Variants in TRAPPC8 observed in about 807,000 individuals in gnomAD.
The protein encoded by TRAPPC8 is trafficking protein particle complex subunit 8, also known as general sporulation gene 1 homolog.
In TRAPPC8, 54 loss-of-function variants were observed where a neutral mutation model predicts 174.3. That is an observed-to-expected ratio of 0.31 (90% CI 0.25 to 0.39). The LOEUF is 0.39. Ranked by LOEUF, TRAPPC8 falls within the 10% of genes least tolerant of loss-of-function variation. The probability of loss-of-function intolerance (pLI) is 1.00; values close to 1 mark genes in which losing one functional copy is unlikely to be tolerated. For synonymous variants in TRAPPC8, 630 were observed against 579.9 expected, an observed-to-expected ratio of 1.09 and a Z score of -1.24; for missense variants, 1,531 against 1,699.1, an observed-to-expected ratio of 0.90 and a Z score of 1.74.
rs558144913 is a variant in TRAPPC8, at chr18:31,934,888, T to C, written c.158-3365A>G. Among the ~76,000 whole-genome samples the C allele has an allele frequency of 3.4e-5, 5 of 148,506 alleles. No homozygotes were observed. The East Asian group carries it at 1.0e-3, about 30-fold the overall frequency. Reference sequence around the variant, plus strand: ...CACTACTGCACTCCAGCCTGGGCAATGAGAGCTGAGATCACACTACTGCAC... The same window carrying C: ...CACTACTGCACTCCAGCCTGGGCAACGAGAGCTGAGATCACACTACTGCAC... On this transcript the variant is annotated intron_variant, in intron 1 of 28. Coordinates refer to ENST00000283351, the MANE Select transcript of TRAPPC8 (RefSeq NM_014939.5).
At chr18:31,876,599 A>G (rs1312736208) in intron 12 of TRAPPC8, among the ~76,000 whole-genome samples, 2 of 152,100 alleles carry the variant, frequency 1.3e-5, no homozygotes, top group Non-Finnish European at 2.9e-5. Flanking sequence ...GAAAACTGAG[A>G]AAAGACAGCC....
rs866121174 is a variant in TRAPPC8, at chr18:31,908,684, C to G, written c.1122+70G>C. On this transcript the variant is annotated intron_variant, in intron 7 of 28. Coordinates refer to ENST00000283351, the MANE Select transcript of TRAPPC8 (RefSeq NM_014939.5). Reference sequence around the variant, plus strand: ...CGAAAATAAAACAAAACTTCAAATACGTTTAATAATTCTTAAATTTACTAT... The same window carrying G: ...CGAAAATAAAACAAAACTTCAAATAGGTTTAATAATTCTTAAATTTACTAT... The G allele has an allele frequency of 2.2e-6, 3 of 1,390,096 alleles. No homozygotes were observed. The African/African-American group carries it at 4.4e-5, about 20-fold the overall frequency. The allele number at this position is 1,390,096 out of a possible 1,614,324, so 86.1% of individuals were successfully genotyped here.
In TRAPPC8 at chr18:31,858,712, T is replaced by C. The variant is rs150720073; in HGVS notation, c.2746-730A>G. ...ACACATGTGGCCTCAATATTTCAGA[T>C]GAGGGATTGTGGACTTGTGCTTAAA... On this transcript the variant is annotated intron_variant, in intron 19 of 28. Transcript: ENST00000283351. 6.2e-3 allele frequency among the ~76,000 whole-genome samples: 946 copies of C among 152,326 alleles called. 12 individuals are homozygous for C. Among genetic ancestry groups the C allele is most frequent in the African/African-American group, 0.022 (905 of 41,578 alleles).
chr18:31,938,082 G>A (rs1321385093), intron 1 of TRAPPC8, among the ~76,000 whole-genome samples: 1 of 152,068 alleles, frequency 6.6e-6, no homozygotes. Context: ...GTGTTTAAGT[G>A]AAATTTTCTT....
At chr18:31,917,438 A>C (rs1357719139) in intron 3 of TRAPPC8, 140 bp downstream of exon 3, 3 of 696,772 alleles carry the variant, frequency 4.3e-6, no homozygotes, top group African/African-American at 3.7e-5. Context: ...CAAAATAACA[A>C]GACTCCGTGT....
At chr18:31,865,358 G>A (rs12969126) in intron 18 of TRAPPC8, among the ~76,000 whole-genome samples, 94,013 of 151,832 alleles carry the variant, frequency 0.62, 29,546 homozygotes, top group South Asian at 0.76. Context: ...TGTAGTGCAT[G>A]TATGTGTGAA....
chr18:31,931,670 G>A (rs908059654), intron 1 of TRAPPC8, 147 bp from the exon 2 acceptor site: 6 of 583,562 alleles, frequency 1.0e-5, no homozygotes, highest in African/African-American at 1.9e-5. Flanking sequence ...AATATAAATG[G>A]TTGACAACAT....
In TRAPPC8 at chr18:31,933,098, G is replaced by A. The variant is rs368456801; in HGVS notation, c.158-1575C>T. ...GGGCAGATCACGAGGTCAGGAGACC[G>A]AGACCATCCTGGCTAACACGGTGAA... On this transcript the variant is annotated intron_variant, in intron 1 of 28. Transcript: ENST00000283351. 4.2e-3 allele frequency among the ~76,000 whole-genome samples: 626 copies of A among 150,798 alleles called. 5 individuals are homozygous for A. Among genetic ancestry groups the A allele is most frequent in the Admixed American group, 6.6e-3 (100 of 15,068 alleles).
Position 31,849,700 on chromosome 18 carries a change from G to C in TRAPPC8, c.3601C>G (p.Arg1201Gly). The part of the protein sequence containing the change: ...SASPCADFFY[R>G]SLSSELKKPQ... ...TTTTTCAATTCAGAAGATAAACTTC[G>C]ATAAAAGAAGTCTGCACATGGGCTT... Residue 1201 changes from arginine to glycine, a missense_variant, in exon 25 of 29, where the codon CGA becomes GGA. By Grantham distance (125) the Arg-to-Gly change is moderately radical. Transcript: ENST00000283351. 6.2e-7 allele frequency: 1 copy of C among 1,610,126 alleles called. No homozygotes were observed. Among genetic ancestry groups the C allele is most frequent in the Non-Finnish European group, 8.5e-7 (1 of 1,178,048 alleles).
chr18:31,874,721 A>T lies in TRAPPC8; in HGVS notation c.1729-17T>A. The stretch of plus-strand genomic sequence containing the variant: ...ATGCTTTTTCTGTAAGAAAATAAAC[A>T]AAATAATGTATTATACTCCAAATTT... On this transcript the variant is annotated splice_polypyrimidine_tract_variant and intron_variant, in intron 12 of 28. Transcript: ENST00000283351. 1 of 1,603,430 alleles carries T rather than the reference A, an allele frequency of 6.2e-7. No homozygotes were observed.
chr18:31,862,630 AG>A (rs2034386136), intron 19 of TRAPPC8, among the ~76,000 whole-genome samples: 1 of 152,098 alleles, frequency 6.6e-6, no homozygotes, highest in African/African-American at 2.4e-5. Flanking sequence ...CAATTAAGCA[AG>A]GGTTAAATGT....
chr18:31,911,308 G>A (rs2036892467), intron 5 of TRAPPC8, among the ~76,000 whole-genome samples: 1 of 152,126 alleles, frequency 6.6e-6, no homozygotes, highest in African/African-American at 2.4e-5. Flanking sequence ...CTTGAGGTCA[G>A]GAGTTCAAGA....
At position 31,917,819 on chromosome 18, in the gene TRAPPC8, G is replaced by A. The variant is rs541409496; in HGVS notation, c.353-152C>T. ...CACCTGTGCTTTCAGATGTACATGT[G>A]TGTATATATAAAATGTGTATAGGGC... On this transcript the variant is annotated intron_variant, in intron 2 of 28. Coordinates refer to ENST00000283351, the MANE Select transcript of TRAPPC8 (RefSeq NM_014939.5). The A allele has an allele frequency of 2.4e-5, 16 of 659,418 alleles. No individual in the cohort carries two copies. The African/African-American group carries it at 2.6e-4, about 11-fold the overall frequency. 40.8% of individuals were successfully genotyped at this position (659,418 alleles called of 1,614,324 possible).
At chr18:31,924,209 T>C (rs950586562) in intron 2 of TRAPPC8, among the ~76,000 whole-genome samples, 3 of 151,020 alleles carry the variant, frequency 2.0e-5, no homozygotes, top group African/African-American at 7.3e-5. Flanking sequence ...TGCTTGAACT[T>C]GGGAGGCAGA....
At chr18:31,882,046 G>A (rs997750120) in intron 12 of TRAPPC8, among the ~76,000 whole-genome samples, 3 of 152,112 alleles carry the variant, frequency 2.0e-5, no homozygotes, top group Non-Finnish European at 2.9e-5. Context: ...GGAATTTGGA[G>A]GTTTCTCCAA....
At chr18:31,863,989 C>T in intron 19 of TRAPPC8, among the ~76,000 whole-genome samples, 1 of 148,152 alleles carries the variant, frequency 6.7e-6, no homozygotes, top group Non-Finnish European at 1.5e-5. Flanking sequence ...TATTATAGAA[C>T]ATATTATAAT....
At chr18:31,875,164 T>C (rs2035080020) in intron 12 of TRAPPC8, among the ~76,000 whole-genome samples, 1 of 152,136 alleles carries the variant, frequency 6.6e-6, no homozygotes, top group South Asian at 2.1e-4. Flanking sequence ...TCTCATACTT[T>C]AACTAGAAGC....
intron 19 of TRAPPC8, among the ~76,000 whole-genome samples, chr18:31,862,161 T>C (rs2145139224): frequency 6.6e-6 from 1 of 152,244 alleles, no homozygotes. Context: ...AACCCTAAAA[T>C]AACATTTGAC....
At chr18:31,911,600 G>A (rs1266127999) in intron 5 of TRAPPC8, among the ~76,000 whole-genome samples, 8 of 151,330 alleles carry the variant, frequency 5.3e-5, no homozygotes, top group South Asian at 2.1e-4. Context: ...TTAGCCAGGC[G>A]TGGTGGCGGG....
Sources: allele counts gnomAD v4.1 joint callset (sites outside exome capture counted in the v4.1 genomes callset), GRCh38; gene constraint gnomAD v4.1.1; transcripts MANE v1.5; gene names NCBI Gene and HGNC (gene_info 2026-07-23, HGNC 2026-07-21).